DLGAP1: variants seen among roughly 807,000 people sequenced by gnomAD.
DLGAP1 encodes the protein DLG associated protein 1.
In DLGAP1, 11 loss-of-function variants were observed where a neutral mutation model predicts 90.8. The observed-to-expected ratio is 0.12, with a 90% CI of 0.08 to 0.20. The LOEUF (loss-of-function observed/expected upper bound fraction) is 0.20, where lower values mean the gene tolerates loss of function less well. DLGAP1 is among the 10% of genes least tolerant of loss of function. The pLI, the probability that DLGAP1 is intolerant of heterozygous loss-of-function variation, is 1.00. For missense variants in DLGAP1, 1,050 were observed against 1,333.8 expected (o/e 0.79, Z 3.31); for synonymous variants, 558 against 540.7 (o/e 1.03, Z -0.44).
intron 7 of DLGAP1, among the ~76,000 whole-genome samples, chr18:3,618,704 C>T (rs1333486637): frequency 6.6e-6 from 1 of 150,798 alleles, no homozygotes; most frequent in Non-Finnish European, 1.5e-5. Flanking sequence ...TTTGGGAGGC[C>T]GAGACGAGCG....
intron 5 of DLGAP1, among the ~76,000 whole-genome samples, chr18:3,777,761 T>C (rs2065002264): frequency 6.6e-6 from 1 of 152,248 alleles, no homozygotes; most frequent in Non-Finnish European, 1.5e-5. Context: ...GTTTTGCATT[T>C]TGATGTTCAA....
At chr18:4,038,629 G>A (rs1296917674) in intron 2 of DLGAP1, among the ~76,000 whole-genome samples, 1 of 152,034 alleles carries the variant, frequency 6.6e-6, no homozygotes, top group Non-Finnish European at 1.5e-5. Flanking sequence ...GGATCTAGCC[G>A]GTCCACAAAT....
chr18:3,639,755 CT>C lies in DLGAP1; in HGVS notation c.1592-57508del, dbSNP rs58862252. ...GTTCTCCTGCTACCTGCAGAGTTGC[CT>C]TTTTTTTTTTTTTTTTGAGACAGAG... On this transcript the variant is annotated intron_variant, in intron 7 of 12. Coordinates refer to ENST00000315677, the MANE Select transcript of DLGAP1 (RefSeq NM_004746.4). 1.4e-3 allele frequency among the ~76,000 whole-genome samples: 167 copies of C among 118,276 alleles called. 1 individual carries two copies. The highest frequency in any genetic ancestry group is 2.9e-3 in the Admixed American group (34 of 11,566). The allele number at this position is 118,276 out of a possible 152,430, so 77.6% of individuals were successfully genotyped here.
chr18:4,041,159 A>G (rs2074968415), intron 2 of DLGAP1, among the ~76,000 whole-genome samples: 1 of 152,218 alleles, frequency 6.6e-6, no homozygotes, highest in African/African-American at 2.4e-5. Context: ...TTACTTTTGC[A>G]CTAATTTGAT....
intron 2 of DLGAP1, among the ~76,000 whole-genome samples, chr18:4,034,934 G>T (rs1051565775): frequency 4.0e-5 from 6 of 150,734 alleles, no homozygotes; most frequent in Admixed American, 2.6e-4. Context: ...AAGTCTTCTT[G>T]TTCTGTCCTT....
chr18:3,654,612 T>A (rs2059419737), intron 7 of DLGAP1: 1 of 152,168 alleles, frequency 6.6e-6, no homozygotes, highest in Non-Finnish European at 1.5e-5. Flanking sequence ...TAACTGAAAC[T>A]CAGTGCTCAA....
rs143920984 is a variant in DLGAP1, at chr18:4,127,009, T to A, written c.-159+24171A>T. On this transcript the variant is annotated intron_variant, in intron 2 of 12. Coordinates refer to ENST00000315677, the MANE Select transcript of DLGAP1 (RefSeq NM_004746.4). The stretch of plus-strand genomic sequence containing the variant: ...CTAACCCTTCAGTTCTGCCTTAAGA[T>A]CAGATTTGCATAATCATATTTTGTA... 4.5e-3 allele frequency among the ~76,000 whole-genome samples: 678 copies of A among 152,326 alleles called. 7 individuals carry two copies. Among genetic ancestry groups the A allele is most frequent in the African/African-American group, 0.016 (651 of 41,588 alleles).
At chr18:3,606,682 C>T (rs76472078) in intron 7 of DLGAP1, 70 of 152,250 alleles carry the variant, frequency 4.6e-4, no homozygotes, top group Admixed American at 1.2e-3. Flanking sequence ...GTTACAGCCA[C>T]GTAATGGGAT....
intron 3 of DLGAP1, among the ~76,000 whole-genome samples, chr18:3,909,493 C>A (rs2071985975): frequency 6.6e-6 from 1 of 152,174 alleles, no homozygotes; most frequent in African/African-American, 2.4e-5. Context: ...CCCAAGAACA[C>A]TGGATACTAA....
intron 7 of DLGAP1, among the ~76,000 whole-genome samples, chr18:3,714,493 A>G (rs1394411593): frequency 1.3e-5 from 2 of 152,164 alleles, no homozygotes; most frequent in Non-Finnish European, 2.9e-5. Context: ...TACAGTTCCT[A>G]TTAATGTTCA....
intron 1 of DLGAP1, among the ~76,000 whole-genome samples, chr18:4,170,381 T>C (rs1360831068): frequency 6.6e-6 from 1 of 152,114 alleles, no homozygotes; most frequent in Non-Finnish European, 1.5e-5. Flanking sequence ...AAATGTCTAT[T>C]AGACATCCTA....
chr18:4,142,636 A>G (rs757224394), intron 2 of DLGAP1, among the ~76,000 whole-genome samples: 2 of 152,250 alleles, frequency 1.3e-5, no homozygotes, highest in African/African-American at 2.4e-5. Flanking sequence ...AATAGTTAAG[A>G]TTTATCTCAG....
intron 1 of DLGAP1, among the ~76,000 whole-genome samples, chr18:4,165,732 A>G (rs1217631277): frequency 6.6e-6 from 1 of 152,204 alleles, no homozygotes; most frequent in African/African-American, 2.4e-5. Context: ...TAGACTGTGA[A>G]AAGTCACATA....
chr18:4,450,711 T>C (rs1421559143), intron 1 of DLGAP1, among the ~76,000 whole-genome samples: 1 of 152,176 alleles, frequency 6.6e-6, no homozygotes, highest in East Asian at 1.9e-4. Context: ...TGCTTACAAA[T>C]CTGATAAGAA....
At chr18:4,143,894 T>G (rs570857100) in intron 2 of DLGAP1, among the ~76,000 whole-genome samples, 1 of 152,206 alleles carries the variant, frequency 6.6e-6, no homozygotes, top group South Asian at 2.1e-4. Context: ...CTGGCCCAAG[T>G]TTTCTCTAGA....
At chr18:3,939,172 C>T (rs1413117458) in intron 3 of DLGAP1, among the ~76,000 whole-genome samples, 1 of 69,176 alleles carries the variant, frequency 1.4e-5, no homozygotes, top group East Asian at 3.0e-4. Flanking sequence ...CCTGCAATCC[C>T]AGCACTTTGG....
intron 4 of DLGAP1, chr18:3,874,142 T>G (rs1425738222): frequency 1.3e-6 from 2 of 1,549,578 alleles, no homozygotes; most frequent in Non-Finnish European, 1.7e-6. Flanking sequence ...AATAAAAGAG[T>G]TATACCCAAA....
chr18:3,578,971 T>C (rs2055326461), intron 8 of DLGAP1, among the ~76,000 whole-genome samples: 1 of 152,200 alleles, frequency 6.6e-6, no homozygotes, highest in Admixed American at 6.6e-5. Flanking sequence ...CATGAGATAA[T>C]GTCTCAAGTA....
intron 1 of DLGAP1, among the ~76,000 whole-genome samples, chr18:4,180,685 A>T (rs961372637): frequency 6.6e-6 from 1 of 152,174 alleles, no homozygotes; most frequent in Non-Finnish European, 1.5e-5. Flanking sequence ...ACATTTCACC[A>T]CTTTGCTCTA....
Sources: gnomAD v4.1 joint callset for allele counts (sites outside exome capture counted in the v4.1 genomes callset) on GRCh38, gnomAD v4.1.1 for gene constraint, MANE v1.5 for transcripts, NCBI Gene and HGNC (gene_info 2026-07-23, HGNC 2026-07-21) for gene names.